Variants in ITGBL1 observed in about 807,000 individuals in gnomAD.
ITGBL1 encodes integrin beta-like protein 1.
Under a neutral mutation model 68.5 loss-of-function variants are expected in ITGBL1, and 51 were observed. The ratio of observed to expected loss-of-function variants is 0.74; its 90% confidence interval spans 0.59 to 0.94. The LOEUF (loss-of-function observed/expected upper bound fraction) is 0.94. Among genes scored for constraint, ITGBL1 ranks in the 40% least tolerant of loss-of-function variants. ITGBL1 has a pLI of 0.00. For missense variants in ITGBL1, 649 were observed against 647.4 expected (o/e 1.00, Z -0.03); for synonymous variants, 209 against 227.3 (o/e 0.92, Z 0.72).
intron 2 of ITGBL1, among the ~76,000 whole-genome samples, chr13:101,457,681 G>T (rs2048262993): frequency 6.6e-6 from 1 of 152,062 alleles, no homozygotes; most frequent in African/African-American, 2.4e-5. Flanking sequence ...TGGGTGTGAT[G>T]GTGTGCGCCT....
At chr13:101,616,111 T>G (rs1201154993) in intron 7 of ITGBL1, among the ~76,000 whole-genome samples, 3 of 152,148 alleles carry the variant, frequency 2.0e-5, no homozygotes, top group African/African-American at 7.2e-5. Context: ...TGCAGTAGAA[T>G]GTAGTAAATG....
chr13:101,591,741 A>G (rs1386723828), intron 6 of ITGBL1, among the ~76,000 whole-genome samples: 1 of 152,190 alleles, frequency 6.6e-6, no homozygotes, highest in Non-Finnish European at 1.5e-5. Flanking sequence ...ATTTTCATCC[A>G]TTAGCATTTC....
intron 2 of ITGBL1, among the ~76,000 whole-genome samples, chr13:101,541,133 A>G (rs1022085226): frequency 3.4e-5 from 5 of 148,910 alleles, no homozygotes; most frequent in Admixed American, 2.7e-4. Context: ...GTCTTGTGCC[A>G]GTTTTCAAAG....
intron 2 of ITGBL1, among the ~76,000 whole-genome samples, chr13:101,534,486 C>T (rs1183762060): frequency 1.3e-5 from 2 of 152,136 alleles, no homozygotes; most frequent in African/African-American, 4.8e-5. Context: ...CCAAGATTCA[C>T]ATACACCAGT....
chr13:101,496,552 T>C (rs1468683042), intron 2 of ITGBL1, among the ~76,000 whole-genome samples: 2 of 152,126 alleles, frequency 1.3e-5, no homozygotes, highest in African/African-American at 4.8e-5. Flanking sequence ...AGAGAAAAAA[T>C]CTATTTTTAA....
At chr13:101,572,571 C>T (rs1032780296) in intron 3 of ITGBL1, among the ~76,000 whole-genome samples, 6 of 152,048 alleles carry the variant, frequency 3.9e-5, no homozygotes, top group Admixed American at 2.6e-4. Flanking sequence ...CTGGCAACCA[C>T]GAGAGAGAAG....
intron 2 of ITGBL1, among the ~76,000 whole-genome samples, chr13:101,475,964 T>G (rs2048530607): frequency 6.6e-6 from 1 of 152,070 alleles, no homozygotes; most frequent in African/African-American, 2.4e-5. Context: ...TTTTTCAATC[T>G]AAAAGAAAAG....
intron 7 of ITGBL1, among the ~76,000 whole-genome samples, chr13:101,691,463 C>T (rs143266096): frequency 6.6e-6 from 1 of 152,122 alleles, no homozygotes; most frequent in Non-Finnish European, 1.5e-5. Context: ...TAACAAGATA[C>T]AAGTTCAGCA....
chr13:101,706,510 T>A lies in ITGBL1; in HGVS notation c.1133-246T>A, dbSNP rs544181412. Among the ~76,000 whole-genome samples, 8 of 152,310 alleles carry A rather than the reference T, an allele frequency of 5.3e-5. No homozygotes were observed. In the South Asian group the frequency reaches 1.7e-3, roughly 32 times the overall value. The stretch of plus-strand genomic sequence containing the variant: ...TATCAAGAAAGGTGGTATAATTCCA[T>A]TTAAAATTATTGCAAGATTTCTTTC... On this transcript the variant is annotated intron_variant, in intron 8 of 10. Transcript: ENST00000376180.
At chr13:101,558,113 A>AG in intron 2 of ITGBL1, among the ~76,000 whole-genome samples, 1 of 127,826 alleles carries the variant, frequency 7.8e-6, no homozygotes, top group Non-Finnish European at 1.7e-5. Flanking sequence ...AAAAAAAAAA[A>AG]AAAGCCTAAC....
intron 2 of ITGBL1, among the ~76,000 whole-genome samples, chr13:101,454,658 A>G (rs2048216989): frequency 1.3e-5 from 2 of 152,166 alleles, no homozygotes; most frequent in African/African-American, 2.4e-5. Context: ...TTTATTTTAC[A>G]TAGGAAACAG....
chr13:101,536,288 T>C (rs1178157174), intron 2 of ITGBL1, among the ~76,000 whole-genome samples: 2 of 152,062 alleles, frequency 1.3e-5, no homozygotes, highest in African/African-American at 4.8e-5. Context: ...ATTGTATTTT[T>C]ATTTTTAACT....
At chr13:101,530,433 A>G (rs935704480) in intron 2 of ITGBL1, among the ~76,000 whole-genome samples, 4 of 152,150 alleles carry the variant, frequency 2.6e-5, no homozygotes, top group Non-Finnish European at 4.4e-5. Context: ...GGTGCCATGT[A>G]TCAGGGTGAT....
At position 101,558,911 on chromosome 13, in the gene ITGBL1, A is replaced by ATGTG. The variant is rs57018896; in HGVS notation, c.317-8774_317-8771dup. ...CTTGTGTATTTGTATTTGTGTGTGT[A>ATGTG]TGTGTGTGTGTGTGTGTTTATATAA... is the stretch of plus-strand genomic sequence containing the variant. On this transcript the variant is annotated intron_variant, in intron 2 of 10. Transcript: ENST00000376180. 5.3e-3 allele frequency among the ~76,000 whole-genome samples: 794 copies of ATGTG among 150,278 alleles called. 4 individuals are homozygous for ATGTG. Among genetic ancestry groups the ATGTG allele is most frequent in the South Asian group, 0.015 (73 of 4,760 alleles).
At chr13:101,686,965 G>C (rs2139541150) in intron 7 of ITGBL1, among the ~76,000 whole-genome samples, 1 of 152,180 alleles carries the variant, frequency 6.6e-6, no homozygotes, top group South Asian at 2.1e-4. Flanking sequence ...ATGAGATAAT[G>C]TTCTAGTAAA....
chr13:101,560,763 G>A (rs1215286983), intron 2 of ITGBL1, among the ~76,000 whole-genome samples: 1 of 151,864 alleles, frequency 6.6e-6, no homozygotes, highest in Admixed American at 6.6e-5. Flanking sequence ...TCCTTTTTTT[G>A]TATTTACAAT....
intron 7 of ITGBL1, among the ~76,000 whole-genome samples, chr13:101,671,632 G>A (rs1315444271): frequency 6.7e-6 from 1 of 150,180 alleles, no homozygotes; most frequent in Non-Finnish European, 1.5e-5. Context: ...TAGAGGCGGG[G>A]TTTCACCGTG....
intron 3 of ITGBL1, among the ~76,000 whole-genome samples, chr13:101,573,341 A>T (rs1335332319): frequency 6.6e-6 from 1 of 152,176 alleles, no homozygotes; most frequent in African/African-American, 2.4e-5. Flanking sequence ...TGCAAGATAG[A>T]AAAATAAATT....
chr13:101,471,532 A>G (rs9557660), intron 2 of ITGBL1, among the ~76,000 whole-genome samples: 129 of 110,512 alleles, frequency 1.2e-3, no homozygotes, highest in Non-Finnish European at 2.2e-3. Flanking sequence ...GTGTGTATGT[A>G]TGTGTGTGTG....
Sources: allele counts gnomAD v4.1 joint callset (sites outside exome capture counted in the v4.1 genomes callset), GRCh38; gene constraint gnomAD v4.1.1; transcripts MANE v1.5; gene names NCBI Gene and HGNC (gene_info 2026-07-23, HGNC 2026-07-21).